MED13L: variants seen among roughly 807,000 people sequenced by gnomAD.
The protein encoded by MED13L is mediator of RNA polymerase II transcription subunit 13-like.
Under a neutral mutation model 220.9 loss-of-function variants are expected in MED13L, and 7 were observed. The observed-to-expected ratio is 0.03, with a 90% CI of 0.02 to 0.06. The LOEUF is 0.06. Ranked by LOEUF, MED13L falls within the 10% of genes least tolerant of loss-of-function variation. The probability of loss-of-function intolerance (pLI) is 1.00; values close to 1 mark genes in which losing one functional copy is unlikely to be tolerated. For missense variants in MED13L, 1,965 were observed against 2,760.5 expected (o/e 0.71, Z 6.46); for synonymous variants, 1,011 against 1,015.2 (o/e 1.00, Z 0.08).
rs747734369 is a variant in MED13L, at chr12:115,966,168, C to A, written c.6301G>T (p.Val2101Leu). 1.9e-6 allele frequency: 3 copies of A among 1,614,134 alleles called. No individual in the cohort carries two copies. Among genetic ancestry groups the A allele is most frequent in the East Asian group, 4.5e-5 (2 of 44,880 alleles). Residue 2101 changes from valine to leucine, a missense_variant, in exon 29 of 31, where the codon GTA (valine) becomes TTA (leucine). Physicochemically the swap from Val to Leu is conservative, Grantham distance 32. Around this residue, in one of 10 missense-constraint regions of MED13L, gnomAD observed 145 missense variants for 328.3 expected, o/e 0.44. Transcript: ENST00000281928. ...KQQPLALGYF[V>L]STAKAENLPQ... is the part of the protein sequence containing the mutation. ...AGATTCTCAGCTTTGGCAGTTGATA[C>A]AAAATACCCAAGGGCCAGGGGCTGC...
intron 4 of MED13L, among the ~76,000 whole-genome samples, chr12:116,093,818 T>G (rs951360298): frequency 1.3e-5 from 2 of 152,128 alleles, no homozygotes; most frequent in East Asian, 3.8e-4. Flanking sequence ...TCCTCTCCAT[T>G]AGCCACTAAA....
intron 1 of MED13L, among the ~76,000 whole-genome samples, chr12:116,246,121 A>G (rs547368853): frequency 1.3e-5 from 2 of 152,284 alleles, no homozygotes; most frequent in African/African-American, 4.8e-5. Flanking sequence ...AATGCTAAAG[A>G]ATTATTTCCA....
At chr12:116,057,191 T>C (rs1262643292) in intron 4 of MED13L, among the ~76,000 whole-genome samples, 2 of 152,114 alleles carry the variant, frequency 1.3e-5, no homozygotes, top group Non-Finnish European at 2.9e-5. Context: ...GTATTCCAAG[T>C]AGCTCGAACA....
chr12:116,087,834 ATATATAATAAAGATCTTTTATGTC>A (rs1292571639), intron 4 of MED13L, among the ~76,000 whole-genome samples: 1 of 152,108 alleles, frequency 6.6e-6, no homozygotes, highest in Non-Finnish European at 1.5e-5. Flanking sequence ...TTAACTCCAA[ATATATAATAAAGATCTTTTATGTC>A]TATACATTTT....
intron 2 of MED13L, among the ~76,000 whole-genome samples, chr12:116,221,698 G>A (rs1251288580): frequency 6.6e-6 from 1 of 152,104 alleles, no homozygotes; most frequent in Non-Finnish European, 1.5e-5. Context: ...TATATATCAT[G>A]CAGCATGAAT....
chr12:116,237,417 T>C, intron 2 of MED13L, 51 bp downstream of exon 2: 1 of 1,401,006 alleles, frequency 7.1e-7, no homozygotes, highest in Middle Eastern at 1.8e-4. Flanking sequence ...TTTATCAATG[T>C]TCAAAAAAAT....
intron 2 of MED13L, among the ~76,000 whole-genome samples, chr12:116,218,288 C>A (rs1397063759): frequency 1.3e-5 from 2 of 152,142 alleles, no homozygotes; most frequent in Non-Finnish European, 2.9e-5. Context: ...CAATAACCTT[C>A]AAATCTAATA....
At chr12:116,269,773 G>A (rs1248322049) in intron 1 of MED13L, among the ~76,000 whole-genome samples, 1 of 152,152 alleles carries the variant, frequency 6.6e-6, no homozygotes, top group East Asian at 1.9e-4. Context: ...TTTCAAAGTA[G>A]TAGAAATACA....
chr12:115,986,519 C>T (rs770649675), intron 18 of MED13L, 30 bp from the exon 19 acceptor site: 1 of 1,603,228 alleles, frequency 6.2e-7, no homozygotes, highest in South Asian at 1.1e-5. Context: ...TAGAAAGGTG[C>T]TAGAGAGTTT....
At chr12:116,218,752 G>C (rs1350494890) in intron 2 of MED13L, among the ~76,000 whole-genome samples, 1 of 150,214 alleles carries the variant, frequency 6.7e-6, no homozygotes, top group African/African-American at 2.4e-5. Flanking sequence ...TTTTTTTTTG[G>C]AGACAAGGTC....
chr12:116,094,870 T>G (rs1017832666), intron 4 of MED13L, among the ~76,000 whole-genome samples: 3 of 152,156 alleles, frequency 2.0e-5, no homozygotes, highest in Admixed American at 6.5e-5. Flanking sequence ...ATGCTAAGAT[T>G]AAAAGTAAAA....
At chr12:116,209,772 T>C (rs924612621) in intron 2 of MED13L, among the ~76,000 whole-genome samples, 3 of 152,164 alleles carry the variant, frequency 2.0e-5, no homozygotes, top group Non-Finnish European at 4.4e-5. Flanking sequence ...AAGATGACAC[T>C]TTCTCAAATG....
At chr12:116,009,171 A>C (rs1451762495) in intron 9 of MED13L, 39 bp from the exon 10 acceptor site, 1 of 1,611,266 alleles carries the variant, frequency 6.2e-7, no homozygotes, top group Non-Finnish European at 8.5e-7. Flanking sequence ...TATAACATTA[A>C]GAAAAGAGAT....
intron 2 of MED13L, among the ~76,000 whole-genome samples, chr12:116,209,347 T>C (rs1390476073): frequency 2.0e-5 from 3 of 152,216 alleles, no homozygotes; most frequent in African/African-American, 2.4e-5. Context: ...ATTTCCACTT[T>C]GGATTAAATG....
chr12:116,023,550 C>CAA lies in MED13L; in HGVS notation c.480-951_480-950dup, dbSNP rs150339937. On this transcript the variant is annotated intron_variant, in intron 4 of 30. Transcript: ENST00000281928. ...TATAAAGTACATTTGGAGTACTACT[C>CAA]AAAAAAAAAATGTTGTTTCAAGTGC... Among the ~76,000 whole-genome samples, 6 of 147,456 alleles carry CAA rather than the reference C, an allele frequency of 4.1e-5. No individual in the cohort carries two copies. The South Asian group carries it at 1.1e-3, about 26-fold the overall frequency.
intron 1 of MED13L, among the ~76,000 whole-genome samples, chr12:116,261,492 CAAAAA>C (rs35601745): frequency 1.7e-5 from 1 of 58,102 alleles, no homozygotes; most frequent in Non-Finnish European, 3.7e-5. Flanking sequence ...AACTCAGTCT[CAAAAA>C]AAAAAAAAAA....
chr12:116,239,376 C>G (rs1289078068), intron 1 of MED13L, among the ~76,000 whole-genome samples: 1 of 152,090 alleles, frequency 6.6e-6, no homozygotes, highest in African/African-American at 2.4e-5. Context: ...AAGTAATACA[C>G]CATAATCACA....
intron 1 of MED13L, among the ~76,000 whole-genome samples, chr12:116,247,992 CA>C (rs1871225805): frequency 6.6e-6 from 1 of 152,158 alleles, no homozygotes; most frequent in Admixed American, 6.5e-5. Flanking sequence ...GTACTGCTTT[CA>C]GCTCCTAGCT....
chr12:115,966,211 T>C lies in MED13L; in HGVS notation c.6258A>G (p.Ala2086=). 6.2e-7 allele frequency: 1 copy of C among 1,614,128 alleles called. No homozygotes were observed. The highest frequency in any genetic ancestry group is 1.1e-5 in the South Asian group (1 of 91,082). The change falls in exon 29 of 31, where the codon GCA becomes GCG. Residue 2086 remains alanine, a synonymous_variant. Transcript: ENST00000281928. ...GGGGCTGCTGCTTTAGCTCCTCTGG[T>C]GCTTCTCTAGAAAGAAGACGCTCAC... ...SQGERLLSRE[A]PEELKQQPLA...
Sources: gnomAD v4.1 joint callset for allele counts (sites outside exome capture counted in the v4.1 genomes callset) on GRCh38, gnomAD v4.1.1 for gene constraint, gnomAD v4.1.1 regional missense constraint, MANE v1.5 for transcripts, NCBI Gene and HGNC (gene_info 2026-07-23, HGNC 2026-07-21) for gene names.